Variants in TM9SF4 observed in about 807,000 individuals in gnomAD.
TM9SF4 encodes the protein transmembrane 9 superfamily member 4, also known as dinucleotide oxidase disulfide thiol exchanger 3 superfamily member 4.
TM9SF4 carries 26 observed loss-of-function variants against 90.4 expected under a neutral mutation model. The observed-to-expected ratio is 0.29, with a 90% CI of 0.21 to 0.40. The LOEUF is 0.40. TM9SF4 is among the 10% of genes least tolerant of loss of function. The probability of loss-of-function intolerance (pLI) is 1.00; values close to 1 mark genes in which losing one functional copy is unlikely to be tolerated. For synonymous variants in TM9SF4, 293 were observed against 315.4 expected (o/e 0.93, Z 0.75); for missense variants, 549 against 834.8 (o/e 0.66, Z 4.22).
intron 1 of TM9SF4, among the ~76,000 whole-genome samples, chr20:32,123,138 C>T (rs1026496375): frequency 1.1e-4 from 13 of 120,526 alleles, no homozygotes; most frequent in Non-Finnish European, 1.9e-4. Context: ...AGCTTCGGCT[C>T]GGCATGAGAG....
intron 8 of TM9SF4, among the ~76,000 whole-genome samples, chr20:32,146,340 T>C (rs1276099052): frequency 1.3e-5 from 2 of 151,794 alleles, no homozygotes; most frequent in Non-Finnish European, 2.9e-5. Context: ...GAAGCACGCG[T>C]AGGAGTCAGT....
chr20:32,139,277 G>T (rs138088254), intron 3 of TM9SF4, among the ~76,000 whole-genome samples: 122 of 152,310 alleles, frequency 8.0e-4, no homozygotes, highest in Non-Finnish European at 1.4e-3. Context: ...CTCAGATCTT[G>T]ATATCTAAGT....
chr20:32,118,402 T>C (rs1229220436), intron 1 of TM9SF4, among the ~76,000 whole-genome samples: 2 of 152,154 alleles, frequency 1.3e-5, no homozygotes, highest in Non-Finnish European at 2.9e-5. Context: ...CCTTCACTTC[T>C]TAAAATATAA....
chr20:32,150,135 T>C (rs2046820410), intron 10 of TM9SF4, among the ~76,000 whole-genome samples: 1 of 152,300 alleles, frequency 6.6e-6, no homozygotes, highest in East Asian at 1.9e-4. Flanking sequence ...CCCACTAATA[T>C]ATAGTAATTT....
rs367614289 is a variant in TM9SF4 at position 32,145,302 on chromosome 20, C to A, written c.772-10C>A. 6.2e-7 allele frequency: 1 copy of A among 1,613,844 alleles called. No homozygotes were observed. The highest frequency in any genetic ancestry group is 1.3e-5 in the African/African-American group (1 of 74,920). ...ATGCCTGACTCTAAGTGCTTCCTCC[C>A]ACCTGCCAGGAAAGTGATATCAAAT... On this transcript the variant is annotated splice_polypyrimidine_tract_variant and intron_variant, in intron 7 of 17. Transcript: ENST00000398022.
At position 32,134,987 on chromosome 20, in the gene TM9SF4, A is replaced by G. The variant is rs977155910; in HGVS notation, c.130-1087A>G. 2.6e-5 allele frequency among the ~76,000 whole-genome samples: 4 copies of G among 152,214 alleles called. No homozygotes were observed. The South Asian group carries it at 8.3e-4, about 32-fold the overall frequency. On this transcript the variant is annotated intron_variant, in intron 2 of 17. Transcript: ENST00000398022. Reference sequence around the variant, plus strand: ...AATTTCTAATCCCAAAAAAGAGTTGAAAAAAGATTGTAGACCTGTATTCCA... The same window carrying G: ...AATTTCTAATCCCAAAAAAGAGTTGGAAAAAGATTGTAGACCTGTATTCCA...
intron 6 of TM9SF4, among the ~76,000 whole-genome samples, chr20:32,144,736 C>T (rs913886663): frequency 6.6e-6 from 1 of 152,130 alleles, no homozygotes; most frequent in South Asian, 2.1e-4. Context: ...ATAAAAGGAC[C>T]TTGTCCCTAC....
chr20:32,129,589 A>T (rs561029778), intron 1 of TM9SF4, among the ~76,000 whole-genome samples: 1 of 151,214 alleles, frequency 6.6e-6, no homozygotes, highest in Non-Finnish European at 1.5e-5. Flanking sequence ...TACTATTGTA[A>T]GTAGTGAATT....
Position 32,149,782 on chromosome 20 carries a change from G to A in TM9SF4, c.1087+16G>A, listed in dbSNP as rs372061330. 52 of 1,613,192 alleles carry A rather than the reference G, an allele frequency of 3.2e-5. No homozygotes were observed. In the African/African-American group the frequency reaches 4.0e-4, roughly 12 times the overall value. On this transcript the variant is annotated intron_variant, in intron 10 of 17. Transcript: ENST00000398022. Reference sequence around the variant, plus strand: ...ATCGTCATCTGTGAGTGTGCCCAGCGGGGCCGGGCATGGGGGCATGGCTTC... The same window carrying A: ...ATCGTCATCTGTGAGTGTGCCCAGCAGGGCCGGGCATGGGGGCATGGCTTC...
Position 32,159,984 on chromosome 20 carries a change from G to A in TM9SF4, c.1570-8G>A, listed in dbSNP as rs1415827491. On this transcript the variant is annotated splice_region_variant and splice_polypyrimidine_tract_variant and intron_variant, in intron 15 of 17. Transcript: ENST00000398022. ...CAAGCCAGCTGAAGCCCCACTGTGT[G>A]TCCACAGGCTATCTGGGAGAATCAG... is the stretch of plus-strand genomic sequence containing the variant. The A allele has an allele frequency of 1.2e-6, 2 of 1,614,238 alleles. No homozygotes were observed. Among genetic ancestry groups the A allele is most frequent in the Non-Finnish European group, 1.7e-6 (2 of 1,180,030 alleles).
chr20:32,154,485 G>A (rs992467471), intron 12 of TM9SF4, among the ~76,000 whole-genome samples: 4 of 151,330 alleles, frequency 2.6e-5, no homozygotes, highest in Admixed American at 6.6e-5. Flanking sequence ...ACGGAATCTC[G>A]CTCTGTCGCG....
chr20:32,113,186 A>G (rs567395573), intron 1 of TM9SF4, among the ~76,000 whole-genome samples: 1 of 152,102 alleles, frequency 6.6e-6, no homozygotes, highest in South Asian at 2.1e-4. Flanking sequence ...CTTTGTTTTG[A>G]AAGTTAGGGT....
intron 1 of TM9SF4, 101 bp from the exon 2 acceptor site, chr20:32,132,911 TG>T: frequency 1.0e-6 from 1 of 1,002,112 alleles, no homozygotes. Flanking sequence ...GTGGCTACAC[TG>T]GGTCAATTAA....
Position 32,149,756 on chromosome 20 carries a change from C to T in TM9SF4, c.1077C>T (p.Leu359=). The T allele has an allele frequency of 1.9e-6, 3 of 1,614,172 alleles. No homozygotes were observed. The highest frequency in any genetic ancestry group is 2.5e-6 in the Non-Finnish European group (3 of 1,180,004). The part of the protein sequence containing the change: ...GSGIQLFCMI[L]IVIFVAMLGM... ...GCATTCAGCTGTTCTGTATGATCCT[C>T]ATCGTCATCTGTGAGTGTGCCCAGC... The change falls in exon 10 of 18, where the codon CTC becomes CTT. Residue 359 remains leucine (L), a synonymous_variant. Transcript: ENST00000398022.
At chr20:32,123,866 A>ATATATATTTTTTTTTTTTTT in intron 1 of TM9SF4, among the ~76,000 whole-genome samples, 72 of 93,938 alleles carry the variant, frequency 7.7e-4, no homozygotes, top group African/African-American at 2.1e-3. Context: ...ATATATATAT[A>ATATATATTTTTTTTTTTTTT]TTTTTTTTTT....
intron 1 of TM9SF4, chr20:32,110,039 T>C: frequency 1.5e-6 from 2 of 1,374,254 alleles, no homozygotes; most frequent in African/African-American, 1.5e-5. Context: ...CTCCGCCCAC[T>C]GTGAGCCCCA....
At chr20:32,155,264 A>G in intron 13 of TM9SF4, 78 bp downstream of exon 13, 1 of 1,190,090 alleles carries the variant, frequency 8.4e-7, no homozygotes, top group Non-Finnish European at 1.3e-6. Context: ...CCCAAAAGCC[A>G]CTTCCTGCCA....
At chr20:32,157,739 GC>G in intron 13 of TM9SF4, 54 bp from the exon 14 acceptor site, 1 of 1,597,974 alleles carries the variant, frequency 6.3e-7, no homozygotes, top group Non-Finnish European at 8.5e-7. Flanking sequence ...CCCTTGCGCA[GC>G]CCCCATCCCG....
Position 32,110,697 on chromosome 20 carries a change from A to G in TM9SF4, c.15+942A>G, listed in dbSNP as rs757219863. On this transcript the variant is annotated intron_variant, in intron 1 of 17. Transcript: ENST00000398022. ...GATGAAGGCTCTTTATTATGAAGCTATATGTTGGGATGAAGTCTGTGTGTG... is the reference window on the plus strand; with the variant it reads ...GATGAAGGCTCTTTATTATGAAGCTGTATGTTGGGATGAAGTCTGTGTGTG... Among the ~76,000 whole-genome samples the G allele has an allele frequency of 1.3e-3, 204 of 152,134 alleles. 4 individuals carry two copies. Among genetic ancestry groups the G allele is most frequent in the Non-Finnish European group, 4.9e-4 (33 of 68,026 alleles).
Sources: gnomAD v4.1 joint callset for allele counts (sites outside exome capture counted in the v4.1 genomes callset) on GRCh38, gnomAD v4.1.1 for gene constraint, MANE v1.5 for transcripts, NCBI Gene and HGNC (gene_info 2026-07-23, HGNC 2026-07-21) for gene names.